FER: variants seen among roughly 807,000 people sequenced by gnomAD.
The protein encoded by FER is tyrosine-protein kinase Fer.
In FER, 63 loss-of-function variants were observed where a neutral mutation model predicts 111.0. The ratio of observed to expected loss-of-function variants is 0.57; its 90% confidence interval spans 0.46 to 0.70. The LOEUF (loss-of-function observed/expected upper bound fraction) is 0.70, where lower values mean the gene tolerates loss of function less well. Among genes scored for constraint, FER ranks in the 30% least tolerant of loss-of-function variants. FER has a pLI of 0.00. For synonymous variants in FER, 327 were observed against 313.9 expected, an observed-to-expected ratio of 1.04 and a Z score of -0.44; for missense variants, 914 against 954.0, an observed-to-expected ratio of 0.96 and a Z score of 0.55.
rs571584241 is a variant in FER at position 108,774,970 on chromosome 5, GCCTATGT to G, written c.-60+6736_-60+6742del. Among the ~76,000 whole-genome samples the G allele has an allele frequency of 7.6e-4, 116 of 152,220 alleles. 4 individuals are homozygous for G. The South Asian group carries it at 0.024, about 32-fold the overall frequency. On this transcript the variant is annotated intron_variant, in intron 2 of 19. Coordinates refer to ENST00000281092, the MANE Select transcript of FER (RefSeq NM_005246.4). ...TTTTCATCATGAAGTCTTTGCTCAT[GCCTATGT>G]CCTGAATGATTTTGTCTAGGTTTTC...
At chr5:109,015,165 C>T (rs898337752) in intron 13 of FER, among the ~76,000 whole-genome samples, 3 of 152,036 alleles carry the variant, frequency 2.0e-5, no homozygotes, top group African/African-American at 7.2e-5. Context: ...GTTTCTAGCA[C>T]ATAGTAATAT....
At chr5:109,132,223 T>C (rs1582178904) in intron 17 of FER, among the ~76,000 whole-genome samples, 1 of 152,224 alleles carries the variant, frequency 6.6e-6, no homozygotes, top group East Asian at 1.9e-4. Flanking sequence ...AAGCCAAATA[T>C]CACATCTGAT....
At chr5:108,774,264 G>C (rs1009008691) in intron 2 of FER, among the ~76,000 whole-genome samples, 1 of 152,104 alleles carries the variant, frequency 6.6e-6, no homozygotes, top group African/African-American at 2.4e-5. Flanking sequence ...AGTATTCCAT[G>C]GTGTGTATGT....
At chr5:109,084,305 T>G (rs1237022460) in intron 16 of FER, among the ~76,000 whole-genome samples, 1 of 152,040 alleles carries the variant, frequency 6.6e-6, no homozygotes, top group Non-Finnish European at 1.5e-5. Flanking sequence ...AAGTTCCTTT[T>G]GCCCATTTTT....
At chr5:109,010,927 AAT>A (rs1319918691) in intron 13 of FER, among the ~76,000 whole-genome samples, 6 of 152,184 alleles carry the variant, frequency 3.9e-5, no homozygotes, top group Non-Finnish European at 7.4e-5. Flanking sequence ...AAAAAAGTGA[AAT>A]GAGTTTATTT....
intron 17 of FER, among the ~76,000 whole-genome samples, chr5:109,130,356 A>G (rs1645834741): frequency 6.6e-6 from 1 of 152,100 alleles, no homozygotes; most frequent in Admixed American, 6.6e-5. Flanking sequence ...CTGTTGTACT[A>G]CACTATCATA....
intron 12 of FER, among the ~76,000 whole-genome samples, chr5:108,958,351 T>G (rs1333941963): frequency 6.6e-6 from 1 of 151,800 alleles, no homozygotes; most frequent in Non-Finnish European, 1.5e-5. Flanking sequence ...TATTTGTATA[T>G]ATCTTCCTGG....
intron 17 of FER, among the ~76,000 whole-genome samples, chr5:109,103,844 G>A (rs1748559126): frequency 6.6e-6 from 1 of 152,104 alleles, no homozygotes; most frequent in South Asian, 2.1e-4. Context: ...TAATGGTAAT[G>A]GCATTCATTT....
At chr5:108,774,187 A>G (rs10067117) in intron 2 of FER, among the ~76,000 whole-genome samples, 36,497 of 151,850 alleles carry the variant, frequency 0.24, 4,609 homozygotes, top group African/African-American at 0.32. Context: ...TTTGCTGGGG[A>G]TGATGGCTTG....
intron 13 of FER, among the ~76,000 whole-genome samples, chr5:108,975,684 G>C (rs1467597847): frequency 6.6e-6 from 1 of 152,174 alleles, no homozygotes; most frequent in Non-Finnish European, 1.5e-5. Context: ...GTAAGAAATA[G>C]AAGTGACAAT....
chr5:109,064,338 C>T (rs1774822674), intron 16 of FER, among the ~76,000 whole-genome samples: 1 of 151,974 alleles, frequency 6.6e-6, no homozygotes, highest in Non-Finnish European at 1.5e-5. Flanking sequence ...TAGTAGGCAT[C>T]TATTCTAGTA....
At chr5:108,772,656 T>C (rs1351941694) in intron 2 of FER, among the ~76,000 whole-genome samples, 1 of 152,194 alleles carries the variant, frequency 6.6e-6, no homozygotes, top group African/African-American at 2.4e-5. Context: ...ACTTTAAATA[T>C]ACATGACATT....
chr5:108,781,935 C>T (rs1754132749), intron 2 of FER, among the ~76,000 whole-genome samples: 1 of 150,730 alleles, frequency 6.6e-6, no homozygotes, highest in Non-Finnish European at 1.5e-5. Context: ...TTTTTTTCCC[C>T]CACCCTGTCA....
At chr5:109,107,476 C>G (rs542021923) in intron 17 of FER, among the ~76,000 whole-genome samples, 1 of 152,176 alleles carries the variant, frequency 6.6e-6, no homozygotes, top group East Asian at 1.9e-4. Context: ...GCTCCTCTCC[C>G]TCCCTCCACC....
At chr5:108,800,967 A>G (rs1177691107) in intron 3 of FER, among the ~76,000 whole-genome samples, 1 of 152,190 alleles carries the variant, frequency 6.6e-6, no homozygotes, top group Non-Finnish European at 1.5e-5. Flanking sequence ...GAATGGCGTG[A>G]ACCCGGGAGG....
intron 13 of FER, among the ~76,000 whole-genome samples, chr5:108,970,259 A>G (rs1760457040): frequency 6.6e-6 from 1 of 151,374 alleles, no homozygotes; most frequent in Non-Finnish European, 1.5e-5. Flanking sequence ...TCTGTTGCCC[A>G]GGCTGGAGTG....
At chr5:109,039,249 G>T (rs778339318) in intron 14 of FER, among the ~76,000 whole-genome samples, 1 of 151,660 alleles carries the variant, frequency 6.6e-6, no homozygotes, top group Non-Finnish European at 1.5e-5. Flanking sequence ...ATTTTTAGTA[G>T]ACTGTACTTG....
intron 13 of FER, among the ~76,000 whole-genome samples, chr5:108,971,272 C>CAAAAAAAAAA (rs201694196): frequency 3.9e-5 from 3 of 76,368 alleles, no homozygotes; most frequent in Admixed American, 1.7e-4. Flanking sequence ...GAACCTGTCT[C>CAAAAAAAAAA]AAAAAAAAAA....
chr5:108,944,149 ACACT>A (rs1345062158), intron 10 of FER, among the ~76,000 whole-genome samples: 2 of 152,034 alleles, frequency 1.3e-5, no homozygotes, highest in East Asian at 1.9e-4. Flanking sequence ...ACAAACACAC[ACACT>A]GTCTCATTTA....
Sources: gnomAD v4.1 joint callset for allele counts (sites outside exome capture counted in the v4.1 genomes callset) on GRCh38, gnomAD v4.1.1 for gene constraint, MANE v1.5 for transcripts, NCBI Gene and HGNC (gene_info 2026-07-23, HGNC 2026-07-21) for gene names.